COP1: variants seen among roughly 807,000 people sequenced by gnomAD.
COP1 encodes COP1 E3 ubiquitin ligase, also known as E3 ubiquitin-protein ligase COP1.
In COP1, 24 loss-of-function variants were observed where a neutral mutation model predicts 101.3. The observed-to-expected ratio is 0.24, with a 90% CI of 0.17 to 0.33. COP1 has a LOEUF of 0.33. COP1 is among the 10% of genes least tolerant of loss of function. The pLI, the probability that COP1 is intolerant of heterozygous loss-of-function variation, is 1.00. For synonymous variants in COP1, 347 were observed against 341.9 expected (o/e 1.01, Z -0.17); for missense variants, 663 against 906.2 (o/e 0.73, Z 3.45).
intron 15 of COP1, among the ~76,000 whole-genome samples, chr1:176,010,456 A>T (rs4314844): frequency 0.76 from 114,937 of 152,150 alleles, 45,201 homozygotes; most frequent in East Asian, 0.92. Flanking sequence ...ATATAAAACA[A>T]TTCATAATAT....
intron 11 of COP1, among the ~76,000 whole-genome samples, chr1:176,067,215 C>T (rs2502822): frequency 0.75 from 114,424 of 152,010 alleles, 44,929 homozygotes; most frequent in East Asian, 0.92. Context: ...TTGTAACAAA[C>T]TGATATGGGA....
chr1:176,141,874 G>C (rs1690742732), intron 6 of COP1, among the ~76,000 whole-genome samples: 1 of 151,792 alleles, frequency 6.6e-6, no homozygotes, highest in African/African-American at 2.4e-5. Flanking sequence ...GGGACTACAG[G>C]CACACGCCCC....
intron 5 of COP1, among the ~76,000 whole-genome samples, chr1:176,154,652 A>G (rs1693180097): frequency 6.6e-6 from 1 of 152,174 alleles, no homozygotes; most frequent in Non-Finnish European, 1.5e-5. Context: ...GGGTGGGAAG[A>G]GGAAAAGGAT....
At chr1:176,055,255 G>A (rs1673253670) in intron 11 of COP1, among the ~76,000 whole-genome samples, 1 of 152,210 alleles carries the variant, frequency 6.6e-6, no homozygotes, top group South Asian at 2.1e-4. Flanking sequence ...CCAACACGAT[G>A]AAATCCAGCC....
At chr1:175,990,653 A>G (rs1658188466) in intron 15 of COP1, among the ~76,000 whole-genome samples, 2 of 152,104 alleles carry the variant, frequency 1.3e-5, no homozygotes, top group South Asian at 4.1e-4. Context: ...TATATCTACA[A>G]AAAGTTTGTT....
At chr1:176,190,876 T>C (rs1234661267) in intron 1 of COP1, among the ~76,000 whole-genome samples, 14 of 151,714 alleles carry the variant, frequency 9.2e-5, no homozygotes, top group Non-Finnish European at 2.9e-5. Flanking sequence ...ATAGTAGTAC[T>C]GGTTCCAACT....
At chr1:176,039,078 T>C (rs566015830) in intron 14 of COP1, among the ~76,000 whole-genome samples, 39 of 152,282 alleles carry the variant, frequency 2.6e-4, no homozygotes, top group Non-Finnish European at 5.3e-4. Context: ...TCTGGGGCCA[T>C]AAAACACATC....
Position 176,114,127 on chromosome 1 carries a change from A to G in COP1, c.1026+2497T>C, listed in dbSNP as rs75860432. On this transcript the variant is annotated intron_variant, in intron 9 of 19. Coordinates refer to ENST00000367669, the MANE Select transcript of COP1 (RefSeq NM_022457.7). ...CATAAATGGCTAGCTATAAATGCCA[A>G]GCCAGTTTCCAGATACAGGGACTGC... is the stretch of plus-strand genomic sequence containing the variant. 8.8e-3 allele frequency among the ~76,000 whole-genome samples: 1,341 copies of G among 152,244 alleles called. 21 individuals carry two copies. The highest frequency in any genetic ancestry group is 0.03 in the African/African-American group (1,250 of 41,518).
chr1:176,031,754 G>A (rs1040961037), intron 14 of COP1, among the ~76,000 whole-genome samples: 1 of 152,030 alleles, frequency 6.6e-6, no homozygotes, highest in African/African-American at 2.4e-5. Context: ...TTTCTTTAAC[G>A]TTAATGTGTA....
chr1:176,111,191 A>G (rs1057507844), intron 9 of COP1, among the ~76,000 whole-genome samples: 28 of 152,232 alleles, frequency 1.8e-4, no homozygotes, highest in Admixed American at 3.3e-4. Flanking sequence ...TTTATCTCAC[A>G]GAGTAGCTCT....
intron 3 of COP1, among the ~76,000 whole-genome samples, chr1:176,165,974 A>T (rs1470687609): frequency 6.6e-6 from 1 of 152,202 alleles, no homozygotes; most frequent in Non-Finnish European, 1.5e-5. Flanking sequence ...AAAAATAGTG[A>T]CTGTTAAATA....
intron 11 of COP1, among the ~76,000 whole-genome samples, chr1:176,050,390 T>C (rs2149231367): frequency 6.6e-6 from 1 of 152,336 alleles, no homozygotes; most frequent in Middle Eastern, 3.4e-3. Context: ...TTGTCAGTGT[T>C]TCCAATGTCT....
chr1:176,115,818 A>G (rs1325251897), intron 9 of COP1, among the ~76,000 whole-genome samples: 1 of 152,184 alleles, frequency 6.6e-6, no homozygotes, highest in African/African-American at 2.4e-5. Flanking sequence ...TAAGCTTGAC[A>G]GATATCAGTA....
intron 5 of COP1, among the ~76,000 whole-genome samples, chr1:176,162,326 A>G (rs1694461354): frequency 6.6e-6 from 1 of 152,214 alleles, no homozygotes; most frequent in Non-Finnish European, 1.5e-5. Context: ...CTCAATTCCC[A>G]ATACTTGCAA....
chr1:176,020,630 CTG>C (rs1666603680), intron 15 of COP1, among the ~76,000 whole-genome samples: 1 of 152,178 alleles, frequency 6.6e-6, no homozygotes, highest in Admixed American at 6.5e-5. Context: ...TGATCCAAGA[CTG>C]TGCCACTGCA....
intron 11 of COP1, among the ~76,000 whole-genome samples, chr1:176,068,518 A>C (rs1025456262): frequency 6.6e-6 from 1 of 152,242 alleles, no homozygotes; most frequent in Non-Finnish European, 1.5e-5. Flanking sequence ...TTTACGTAGT[A>C]TTTACAACAT....
intron 15 of COP1, among the ~76,000 whole-genome samples, chr1:175,990,466 T>C (rs1196555825): frequency 6.6e-6 from 1 of 152,180 alleles, no homozygotes; most frequent in South Asian, 2.1e-4. Flanking sequence ...GCTTCTACTG[T>C]TGGCTGAAGT....
At chr1:176,050,178 C>G (rs955666991) in intron 11 of COP1, among the ~76,000 whole-genome samples, 1 of 152,118 alleles carries the variant, frequency 6.6e-6, no homozygotes, top group Admixed American at 6.5e-5. Flanking sequence ...AACATTTCAA[C>G]TGTTAAAAGA....
At chr1:176,182,933 T>C (rs575680321) in intron 2 of COP1, among the ~76,000 whole-genome samples, 218 of 152,330 alleles carry the variant, frequency 1.4e-3, no homozygotes, top group African/African-American at 4.8e-3. Flanking sequence ...TCATTCCTTT[T>C]CCTCTGATAA....
Sources: allele counts gnomAD v4.1 joint callset (sites outside exome capture counted in the v4.1 genomes callset), GRCh38; gene constraint gnomAD v4.1.1; transcripts MANE v1.5; gene names NCBI Gene and HGNC (gene_info 2026-07-23, HGNC 2026-07-21).